Variants in IMPG1 observed in about 807,000 individuals in gnomAD.
The protein encoded by IMPG1 is interphotoreceptor matrix proteoglycan of 150 kDa.
IMPG1 carries 85 observed loss-of-function variants against 92.0 expected under a neutral mutation model. The observed-to-expected ratio is 0.92, with a 90% confidence interval of 0.78 to 1.11. The LOEUF (loss-of-function observed/expected upper bound fraction) is 1.11. Ranked by LOEUF, IMPG1 falls within the 50% of genes least tolerant of loss-of-function variation. IMPG1 has a pLI of 0.00. For synonymous variants in IMPG1, 367 were observed against 334.1 expected (o/e 1.10, Z -1.08); for missense variants, 1,022 against 956.0 (o/e 1.07, Z -0.91).
chr6:75,974,383 C>CTT (rs1479518005), intron 12 of IMPG1, among the ~76,000 whole-genome samples: 57 of 75,390 alleles, frequency 7.6e-4, no homozygotes, highest in African/African-American at 9.7e-4. Flanking sequence ...TTCTTTCTTT[C>CTT]TTTCTTTCTT....
intron 12 of IMPG1, among the ~76,000 whole-genome samples, chr6:75,990,138 G>A (rs545260866): frequency 6.6e-6 from 1 of 152,118 alleles, no homozygotes; most frequent in Admixed American, 6.5e-5. Context: ...CCCTATCAAT[G>A]AAGTATGGCG....
chr6:76,045,440 TC>T (rs1431671419), intron 1 of IMPG1, among the ~76,000 whole-genome samples: 1 of 108,698 alleles, frequency 9.2e-6, no homozygotes, highest in Non-Finnish European at 2.0e-5. Context: ...ACAACCTCCA[TC>T]TTTTTTTTTT....
At chr6:76,040,022 T>C (rs1783807565) in intron 2 of IMPG1, among the ~76,000 whole-genome samples, 1 of 152,238 alleles carries the variant, frequency 6.6e-6, no homozygotes, top group African/African-American at 2.4e-5. Flanking sequence ...AGTGGGTCTC[T>C]CTGTCAGAGG....
At chr6:76,040,745 T>C (rs1263466529) in intron 2 of IMPG1, among the ~76,000 whole-genome samples, 1 of 152,210 alleles carries the variant, frequency 6.6e-6, no homozygotes, top group Non-Finnish European at 1.5e-5. Flanking sequence ...ATAAGGAATA[T>C]AAGACTTGAT....
rs1364149417 is a variant in IMPG1 at position 75,950,645 on chromosome 6, C to T, written c.1741G>A (p.Val581Ile). Residue 581 changes from valine (V) to isoleucine (I), a missense_variant, in exon 13 of 17, where the codon GTT becomes ATT. Coordinates refer to ENST00000369950, the MANE Select transcript of IMPG1 (RefSeq NM_001563.4). ...RELVVFFSLRVANMAFSNDLF... is the reference protein window; with the variant it reads ...RELVVFFSLRIANMAFSNDLF... ...TCGTTGGAGAAGGCCATGTTAGCAA[C>T]ACGCAGACTGAAGAACACTACCAGC... 1 of 1,613,904 alleles carries T rather than the reference C, an allele frequency of 6.2e-7. No homozygotes were observed. Among genetic ancestry groups the T allele is most frequent in the African/African-American group, 1.3e-5 (1 of 75,032 alleles).
chr6:75,973,263 A>G (rs1782452512), intron 12 of IMPG1, among the ~76,000 whole-genome samples: 1 of 151,894 alleles, frequency 6.6e-6, no homozygotes, highest in Admixed American at 6.6e-5. Context: ...TACAGGCATG[A>G]GCCACTGTGC....
At chr6:75,961,736 A>G (rs1302659327) in intron 12 of IMPG1, among the ~76,000 whole-genome samples, 1 of 152,238 alleles carries the variant, frequency 6.6e-6, no homozygotes, top group African/African-American at 2.4e-5. Flanking sequence ...GAAGGCCAAA[A>G]GAAGAAGAAT....
chr6:76,027,353 A>T (rs1783560476), intron 4 of IMPG1, among the ~76,000 whole-genome samples: 1 of 152,210 alleles, frequency 6.6e-6, no homozygotes, highest in Non-Finnish European at 1.5e-5. Context: ...TAAAAAGGCA[A>T]ACCTCGGCTG....
At chr6:76,071,897 A>G (rs1784408198) in intron 1 of IMPG1, among the ~76,000 whole-genome samples, 1 of 152,114 alleles carries the variant, frequency 6.6e-6, no homozygotes, top group Non-Finnish European at 1.5e-5. Context: ...TTTTATGCGT[A>G]CAACTTCAAA....
In IMPG1 at chr6:75,922,036, G is replaced by C. The variant is rs1180274332; in HGVS notation, c.*53C>G. 3.6e-6 allele frequency: 3 copies of C among 830,144 alleles called. No individual in the cohort carries two copies. The African/African-American group carries it at 5.1e-5, about 14-fold the overall frequency. The allele number at this position is 830,144 out of a possible 1,614,324, so 51.4% of individuals were successfully genotyped here. Reference sequence around the variant, plus strand: ...TGCCTGTCTCCATTTTCCTTGAGAAGGCAAATCATCTCTCTTGAGATAGCC... The same window carrying C: ...TGCCTGTCTCCATTTTCCTTGAGAACGCAAATCATCTCTCTTGAGATAGCC... On this transcript the variant is annotated 3_prime_UTR_variant, in exon 17 of 17. Coordinates refer to ENST00000369950, the MANE Select transcript of IMPG1 (RefSeq NM_001563.4).
Position 76,025,251 on chromosome 6 carries a change from C to T in IMPG1, c.505G>A (p.Glu169Lys), listed in dbSNP as rs367924478. The T allele has an allele frequency of 6.3e-7, 1 of 1,581,522 alleles. No homozygotes were observed. Among genetic ancestry groups the T allele is most frequent in the Non-Finnish European group, 8.7e-7 (1 of 1,152,048 alleles). ...KQRSFPDRKD[E>K]ISAEKTLGEP... ...CCCAATGTCTTCTCTGCAGATATTT[C>T]ATCTTTTCTATTAGTACAATAGAAA... is the stretch of plus-strand genomic sequence containing the variant. Residue 169 changes from glutamate to lysine, a missense_variant, in exon 5 of 17, where the codon GAA becomes AAA. Glu to Lys is a moderately conservative substitution (Grantham distance 56). Coordinates refer to ENST00000369950, the MANE Select transcript of IMPG1 (RefSeq NM_001563.4).
chr6:75,973,873 TG>T (rs1782461782), intron 12 of IMPG1, among the ~76,000 whole-genome samples: 1 of 152,218 alleles, frequency 6.6e-6, no homozygotes, highest in Non-Finnish European at 1.5e-5. Context: ...TCTCATTAGC[TG>T]ATGGATCTGC....
chr6:76,031,882 A>T (rs1189259637), intron 4 of IMPG1, among the ~76,000 whole-genome samples: 3 of 152,348 alleles, frequency 2.0e-5, no homozygotes, highest in Admixed American at 1.3e-4. Context: ...TTACTAAAAG[A>T]TGTCATTCTG....
At chr6:75,987,714 C>T (rs1211127164) in intron 12 of IMPG1, among the ~76,000 whole-genome samples, 2 of 151,354 alleles carry the variant, frequency 1.3e-5, no homozygotes, top group East Asian at 3.9e-4. Flanking sequence ...GTGCGATCTC[C>T]GCTCACTGCA....
At chr6:75,951,169 A>T in intron 12 of IMPG1, 75 bp from the exon 13 acceptor site, 1 of 1,142,574 alleles carries the variant, frequency 8.8e-7, no homozygotes, top group South Asian at 1.5e-5. Flanking sequence ...AAAATCCAAA[A>T]TTAAGCTTAA....
chr6:75,991,486 G>C (rs1342479524), intron 12 of IMPG1, among the ~76,000 whole-genome samples: 2 of 151,992 alleles, frequency 1.3e-5, no homozygotes, highest in Non-Finnish European at 2.9e-5. Flanking sequence ...AAGGGAACAT[G>C]ATACAGAAAC....
chr6:76,049,317 C>A (rs1319820466), intron 1 of IMPG1, among the ~76,000 whole-genome samples: 2 of 152,134 alleles, frequency 1.3e-5, no homozygotes, highest in Non-Finnish European at 2.9e-5. Flanking sequence ...TATAATGAAC[C>A]TGCAAATTTA....
chr6:76,058,916 AG>A (rs1325844468), intron 1 of IMPG1, among the ~76,000 whole-genome samples: 1 of 152,188 alleles, frequency 6.6e-6, no homozygotes, highest in Non-Finnish European at 1.5e-5. Flanking sequence ...GAGGTCAAAG[AG>A]CAAGATTTCT....
At chr6:76,069,738 G>T (rs536475645) in intron 1 of IMPG1, among the ~76,000 whole-genome samples, 1,532 of 49,610 alleles carry the variant, frequency 0.031, 15 homozygotes, top group Non-Finnish European at 0.049. Context: ...GCCCATCATT[G>T]GTTGATCAAA....
Sources: gnomAD v4.1 joint callset for allele counts (sites outside exome capture counted in the v4.1 genomes callset) on GRCh38, gnomAD v4.1.1 for gene constraint, MANE v1.5 for transcripts, NCBI Gene and HGNC (gene_info 2026-07-23, HGNC 2026-07-21) for gene names.